KDM4C: variants seen among roughly 807,000 people sequenced by gnomAD.
KDM4C encodes the protein lysine demethylase 4C.
KDM4C carries 81 observed loss-of-function variants against 129.3 expected under a neutral mutation model. The ratio of observed to expected loss-of-function variants is 0.63; its 90% CI spans 0.52 to 0.75. The LOEUF (loss-of-function observed/expected upper bound fraction) is 0.75. KDM4C is among the 30% of genes least tolerant of loss of function. The pLI is 0.00. For missense variants in KDM4C, 1,457 were observed against 1,304.0 expected (o/e 1.12, Z -1.81); for synonymous variants, 573 against 456.1 (o/e 1.26, Z -3.26).
intron 8 of KDM4C, among the ~76,000 whole-genome samples, chr9:6,959,681 T>C (rs984869923): frequency 5.9e-5 from 9 of 152,328 alleles, no homozygotes; most frequent in Admixed American, 1.3e-4. Context: ...TGAATTGTAG[T>C]ATATAGTCAT....
At chr9:7,122,239 CCA>C (rs147638679) in intron 18 of KDM4C, among the ~76,000 whole-genome samples, 38 of 144,228 alleles carry the variant, frequency 2.6e-4, no homozygotes, top group East Asian at 1.0e-3. Flanking sequence ...GTGGGAGATG[CCA>C]CACACACACA....
intron 17 of KDM4C, among the ~76,000 whole-genome samples, chr9:7,082,629 A>C (rs755607901): frequency 1.3e-5 from 2 of 152,112 alleles, no homozygotes; most frequent in Non-Finnish European, 2.9e-5. Context: ...TTGTTCCCTC[A>C]GCTGGCATTT....
At position 6,758,044 on chromosome 9, in the gene KDM4C, C is replaced by G; in HGVS notation, c.-177C>G. On this transcript the variant is annotated 5_prime_UTR_variant, in exon 1 of 22. Transcript: ENST00000381309. The surrounding 1 kb of genome is among the most constrained non-coding windows in gnomAD (Gnocchi z 4.6). ...CTCGACGGGAGGGTGAGGCGCGGCG[C>G]AGTGATCGGGCGGCCGGGGTCCTGT... 1.0e-6 allele frequency: 1 copy of G among 985,450 alleles called. No individual in the cohort carries two copies. The highest frequency in any genetic ancestry group is 1.2e-6 in the Non-Finnish European group (1 of 829,954). The allele number at this position is 985,450 out of a possible 1,614,324, so 61.0% of individuals were successfully genotyped here. A position where few individuals can be genotyped will look rare whatever the true frequency, so the allele number is the denominator to read the frequency against.
intron 19 of KDM4C, among the ~76,000 whole-genome samples, chr9:7,150,073 C>A (rs940032675): frequency 6.6e-5 from 10 of 152,174 alleles, no homozygotes; most frequent in African/African-American, 2.4e-4. Flanking sequence ...ACTCTGTCTC[C>A]TGTTTGGCTA....
chr9:7,084,949 CA>C (rs1471440695), intron 17 of KDM4C, among the ~76,000 whole-genome samples: 1 of 152,196 alleles, frequency 6.6e-6, no homozygotes, highest in Admixed American at 6.5e-5. Flanking sequence ...GAGTGCCCAT[CA>C]GGGGGCCTGG....
At position 6,735,021 on chromosome 9, in the gene KDM4C, A is replaced by G. The variant is rs114786012; in HGVS notation, c.49+14024A>G. On this transcript the variant is annotated intron_variant, in intron 1 of 17. Transcript: ENST00000536108. Reference sequence around the variant, plus strand: ...GTTTGGGTATTACTGCATTGCAGCTATTGTAAGAGTTTCTCATGGGTGGTC... The same window carrying G: ...GTTTGGGTATTACTGCATTGCAGCTGTTGTAAGAGTTTCTCATGGGTGGTC... The G allele has an allele frequency of 3.6e-3, 1,843 of 509,090 alleles. 28 individuals carry two copies. Among genetic ancestry groups the G allele is most frequent in the African/African-American group, 0.033 (1,698 of 51,330 alleles). 31.5% of individuals were successfully genotyped at this position (509,090 alleles called of 1,614,324 possible). A position where few individuals can be genotyped will look rare whatever the true frequency, so the allele number is the denominator to read the frequency against.
intron 8 of KDM4C, among the ~76,000 whole-genome samples, chr9:6,900,729 C>T (rs57068386): frequency 6.6e-6 from 1 of 152,194 alleles, no homozygotes; most frequent in Non-Finnish European, 1.5e-5. Flanking sequence ...GTAGTGCAAC[C>T]GTCGTTAACT....
Position 6,834,043 on chromosome 9 carries a change from C to CTT in KDM4C, c.436-15450_436-15449dup, listed in dbSNP as rs71487860. The stretch of plus-strand genomic sequence containing the variant: ...CATGGGATATGACTCAAGAGATAGT[C>CTT]TTTTTTTTTTTTTTTAAGATAGTCT... On this transcript the variant is annotated intron_variant, in intron 4 of 21. Transcript: ENST00000381309. 7.3e-5 allele frequency among the ~76,000 whole-genome samples: 8 copies of CTT among 109,474 alleles called. No homozygotes were observed. The East Asian group carries it at 8.7e-4, about 12-fold the overall frequency. 71.8% of individuals were successfully genotyped at this position (109,474 alleles called of 152,430 possible).
chr9:7,055,491 T>TA (rs1481214186), intron 17 of KDM4C, among the ~76,000 whole-genome samples: 38 of 152,238 alleles, frequency 2.5e-4, no homozygotes, highest in African/African-American at 8.9e-4. Context: ...CTACAAGCCT[T>TA]TCCGTGTCTG....
intron 2 of KDM4C, among the ~76,000 whole-genome samples, chr9:6,802,232 A>G (rs939058005): frequency 1.3e-5 from 2 of 152,264 alleles, no homozygotes; most frequent in Non-Finnish European, 2.9e-5. Flanking sequence ...CAGAAAGACT[A>G]AGAGTTAAAT....
chr9:6,793,106 G>T lies in KDM4C; in HGVS notation c.118G>T (p.Gly40Ter), dbSNP rs780804230. The T allele has an allele frequency of 6.2e-7, 1 of 1,614,110 alleles. No individual in the cohort carries two copies. The highest frequency in any genetic ancestry group is 8.5e-7 in the Non-Finnish European group (1 of 1,180,012). ...NKYLAYMESK[G>*]AHRAGLAKVI... ...ATACCTTGCATACATGGAGTCTAAA[G>T]GAGCCCATCGTGCGGGTCTTGCAAA... Residue 40 changes from glycine (G) to a stop codon, truncating the protein, a stop_gained, in exon 2 of 22, where the codon GGA becomes TGA. Coordinates refer to ENST00000381309, the MANE Select transcript of KDM4C (RefSeq NM_015061.6). LOFTEE classifies it high-confidence loss of function.
chr9:6,964,172 G>A lies in KDM4C; in HGVS notation c.922-16753G>A, dbSNP rs142855296. Among the ~76,000 whole-genome samples, 25 of 152,164 alleles carry A rather than the reference G, an allele frequency of 1.6e-4. No individual in the cohort carries two copies. The East Asian group carries it at 1.7e-3, about 11-fold the overall frequency. ...TGTTACACATGTATACATATGCCAC[G>A]TTGGTGTGCTGCACCCATTAACTCA... On this transcript the variant is annotated intron_variant, in intron 8 of 21. Coordinates refer to ENST00000381309, the MANE Select transcript of KDM4C (RefSeq NM_015061.6).
At chr9:6,791,004 C>G (rs1342797990) in intron 1 of KDM4C, among the ~76,000 whole-genome samples, 2 of 152,182 alleles carry the variant, frequency 1.3e-5, no homozygotes, top group Non-Finnish European at 2.9e-5. Context: ...AGCGGTACTT[C>G]CAGATATTTC....
intron 15 of KDM4C, among the ~76,000 whole-genome samples, chr9:7,040,256 T>C (rs1828327772): frequency 1.3e-5 from 2 of 152,070 alleles, no homozygotes; most frequent in East Asian, 3.9e-4. Flanking sequence ...GTTTTAAGCA[T>C]TTGTCTTTTA....
chr9:6,829,886 C>G (rs543910329), intron 4 of KDM4C, among the ~76,000 whole-genome samples: 12 of 152,270 alleles, frequency 7.9e-5, no homozygotes, highest in African/African-American at 2.9e-4. Context: ...TAAAGATAAT[C>G]TAGATTTCAT....
At chr9:6,949,660 G>A (rs1372986696) in intron 8 of KDM4C, among the ~76,000 whole-genome samples, 4 of 152,132 alleles carry the variant, frequency 2.6e-5, no homozygotes, top group South Asian at 2.1e-4. Context: ...CCAACACAGC[G>A]AAACCCCGTC....
chr9:6,875,647 C>T (rs1445614070), intron 5 of KDM4C, among the ~76,000 whole-genome samples: 1 of 152,088 alleles, frequency 6.6e-6, no homozygotes, highest in Non-Finnish European at 1.5e-5. Flanking sequence ...CTCTTTTATC[C>T]TCTTCTTATT....
intron 6 of KDM4C, among the ~76,000 whole-genome samples, chr9:6,880,963 G>A (rs1026984914): frequency 1.3e-5 from 2 of 152,200 alleles, no homozygotes; most frequent in Non-Finnish European, 2.9e-5. Context: ...AGTTCCATTT[G>A]AGTGACAACT....
intron 8 of KDM4C, among the ~76,000 whole-genome samples, chr9:6,937,168 C>T (rs921988495): frequency 6.6e-6 from 1 of 152,036 alleles, no homozygotes; most frequent in Non-Finnish European, 1.5e-5. Context: ...ACATAAGAAC[C>T]TCCCGAAGTG....
Sources: gnomAD v4.1 joint callset for allele counts (sites outside exome capture counted in the v4.1 genomes callset) on GRCh38, gnomAD v4.1.1 for gene constraint, Gnocchi (gnomAD v3.1) non-coding constraint, MANE v1.5 for transcripts, NCBI Gene and HGNC (gene_info 2026-07-23, HGNC 2026-07-21) for gene names.